IGF1: variants seen among roughly 807,000 people sequenced by gnomAD.
IGF1 encodes the protein insulin-like growth factor 1.
In IGF1, 4 loss-of-function variants were observed where a neutral mutation model predicts 13.8. The observed-to-expected ratio is 0.29, with a 90% confidence interval of 0.14 to 0.66. The LOEUF (loss-of-function observed/expected upper bound fraction) is 0.66. IGF1 is among the 30% of genes least tolerant of loss of function. The pLI, the probability that IGF1 is intolerant of heterozygous loss-of-function variation, is 0.78. For missense variants in IGF1, 124 were observed against 188.5 expected, an observed-to-expected ratio of 0.66 and a Z score of 2.00; for synonymous variants, 76 against 72.6, an observed-to-expected ratio of 1.05 and a Z score of -0.23.
At chr12:102,469,740 C>A (rs564865297) in intron 2 of IGF1, among the ~76,000 whole-genome samples, 1 of 152,208 alleles carries the variant, frequency 6.6e-6, no homozygotes, top group East Asian at 1.9e-4. Flanking sequence ...GAGAACCTAG[C>A]TTTGTTTCTG....
chr12:102,465,054 G>A (rs926752065), intron 2 of IGF1, among the ~76,000 whole-genome samples: 2 of 152,218 alleles, frequency 1.3e-5, no homozygotes, highest in Non-Finnish European at 2.9e-5. Context: ...TACTGAGTGA[G>A]CATTCTGAAG....
chr12:102,414,509 C>T (rs1412317079), intron 3 of IGF1, among the ~76,000 whole-genome samples: 1 of 152,148 alleles, frequency 6.6e-6, no homozygotes, highest in Admixed American at 6.5e-5. Context: ...GCAACCTCTG[C>T]CTCCCAGGTT....
intron 2 of IGF1, among the ~76,000 whole-genome samples, chr12:102,453,338 T>G (rs983743361): frequency 1.3e-5 from 2 of 152,178 alleles, no homozygotes; most frequent in African/African-American, 4.8e-5. Context: ...GTTTTGAATT[T>G]GGAAAGATGA....
intron 2 of IGF1, among the ~76,000 whole-genome samples, chr12:102,470,511 T>C (rs370190373): frequency 6.6e-6 from 1 of 152,214 alleles, no homozygotes; most frequent in Non-Finnish European, 1.5e-5. Context: ...TAAAAACACA[T>C]TGCTTCTCTT....
chr12:102,428,658 C>T (rs1876452949), intron 2 of IGF1, among the ~76,000 whole-genome samples: 1 of 152,120 alleles, frequency 6.6e-6, no homozygotes, highest in African/African-American at 2.4e-5. Context: ...TTGGGCATGG[C>T]CTTTTACTTT....
At chr12:102,451,044 C>CT (rs1219277245) in intron 2 of IGF1, among the ~76,000 whole-genome samples, 2 of 152,174 alleles carry the variant, frequency 1.3e-5, no homozygotes, top group African/African-American at 4.8e-5. Flanking sequence ...ACCAGAAAGG[C>CT]TACTGGTAAG....
intron 2 of IGF1, among the ~76,000 whole-genome samples, chr12:102,460,370 G>A (rs561895759): frequency 6.6e-6 from 1 of 152,244 alleles, no homozygotes; most frequent in South Asian, 2.1e-4. Flanking sequence ...AATAGATGGT[G>A]TGGACTGGGA....
Position 102,396,868 on chromosome 12 carries a change from G to C in IGF1, c.*5639C>G. 1 of 397,986 alleles carries C rather than the reference G, an allele frequency of 2.5e-6. No homozygotes were observed. Among genetic ancestry groups the C allele is most frequent in the Non-Finnish European group, 4.4e-6 (1 of 225,938 alleles). The allele number at this position is 397,986 out of a possible 1,614,324, so 24.7% of individuals were successfully genotyped here. On this transcript the variant is annotated 3_prime_UTR_variant, in exon 4 of 4. Coordinates refer to ENST00000337514, the MANE Select transcript of IGF1 (RefSeq NM_000618.5). ...ATCAAAGATAGTTGAAGAATGAGGA[G>C]AGAAGGATCATGTTTAAGATCCATG...
chr12:102,464,624 ATGT>A (rs1880169517), intron 2 of IGF1, among the ~76,000 whole-genome samples: 3 of 151,888 alleles, frequency 2.0e-5, no homozygotes, highest in South Asian at 4.2e-4. Flanking sequence ...ACTGCATCAA[ATGT>A]TGTGTCTCTG....
At chr12:102,448,095 C>A (rs1170405608) in intron 2 of IGF1, among the ~76,000 whole-genome samples, 1 of 20,318 alleles carries the variant, frequency 4.9e-5, no homozygotes, top group Non-Finnish European at 1.1e-4. Context: ...TCTCATGGGA[C>A]TGTAAACTAG....
At chr12:102,460,501 C>T (rs1182679318) in intron 2 of IGF1, among the ~76,000 whole-genome samples, 2 of 152,152 alleles carry the variant, frequency 1.3e-5, no homozygotes, top group Admixed American at 6.5e-5. Context: ...TTGGGTATTG[C>T]TAAACACAGA....
chr12:102,451,248 T>C (rs1878893910), intron 2 of IGF1, among the ~76,000 whole-genome samples: 1 of 152,248 alleles, frequency 6.6e-6, no homozygotes, highest in South Asian at 2.1e-4. Context: ...CTGTAACTCT[T>C]TGATGCATTT....
At chr12:102,426,687 A>G (rs898158362) in intron 2 of IGF1, among the ~76,000 whole-genome samples, 3 of 152,374 alleles carry the variant, frequency 2.0e-5, no homozygotes, top group East Asian at 3.9e-4. Flanking sequence ...GTCCCAAATA[A>G]TCCACTGGTT....
At chr12:102,416,328 C>T (rs1433200689) in intron 3 of IGF1, among the ~76,000 whole-genome samples, 1 of 152,090 alleles carries the variant, frequency 6.6e-6, no homozygotes, top group African/African-American at 2.4e-5. Context: ...CTATGAAGAC[C>T]CCAATCCTAC....
At chr12:102,404,185 A>C (rs959245632) in intron 3 of IGF1, among the ~76,000 whole-genome samples, 1 of 152,208 alleles carries the variant, frequency 6.6e-6, no homozygotes, top group African/African-American at 2.4e-5. Flanking sequence ...CAAAAACAAA[A>C]GTTCTCTCCA....
chr12:102,425,652 C>T (rs1876137986), intron 2 of IGF1, among the ~76,000 whole-genome samples: 1 of 152,214 alleles, frequency 6.6e-6, no homozygotes, highest in South Asian at 2.1e-4. Context: ...ATTCAGCTCA[C>T]CTTGGTTTCC....
Position 102,399,659 on chromosome 12 carries a change from TAAGA to T in IGF1, c.*2844_*2847del, listed in dbSNP as rs1166872112. ...GAGAGGATTATGTGTTGGAAAAAGT[TAAGA>T]AAGATAATATGGCAGTGCATCTTTC... is the stretch of plus-strand genomic sequence containing the variant. On this transcript the variant is annotated 3_prime_UTR_variant, in exon 4 of 4. Coordinates refer to ENST00000337514, the MANE Select transcript of IGF1 (RefSeq NM_000618.5). 1.3e-5 allele frequency: 2 copies of T among 152,194 alleles called. No individual in the cohort carries two copies. Among genetic ancestry groups the T allele is most frequent in the Non-Finnish European group, 2.9e-5 (2 of 68,016 alleles). 9.4% of individuals were successfully genotyped at this position (152,194 alleles called of 1,614,324 possible).
intron 2 of IGF1, among the ~76,000 whole-genome samples, chr12:102,466,241 G>C (rs538832369): frequency 5.3e-5 from 8 of 152,308 alleles, no homozygotes; most frequent in African/African-American, 1.9e-4. Context: ...TGGACCATAG[G>C]CTCTGGATTA....
chr12:102,422,243 A>G (rs1282837777), intron 2 of IGF1, among the ~76,000 whole-genome samples: 2 of 152,156 alleles, frequency 1.3e-5, no homozygotes, highest in African/African-American at 2.4e-5. Flanking sequence ...TTTAAAAAAT[A>G]TTGTTGAAAT....
Sources: gnomAD v4.1 joint callset for allele counts (sites outside exome capture counted in the v4.1 genomes callset) on GRCh38, gnomAD v4.1.1 for gene constraint, MANE v1.5 for transcripts, NCBI Gene and HGNC (gene_info 2026-07-23, HGNC 2026-07-21) for gene names.